The following USP25 variants were observed in gnomAD, a reference collection of about 807,000 sequenced individuals.
USP25 encodes the protein ubiquitin specific peptidase 25.
A neutral mutation model predicts 158.5 loss-of-function variants in USP25; 85 were observed. That is an observed-to-expected ratio of 0.54 (90% CI 0.45 to 0.64). The LOEUF (loss-of-function observed/expected upper bound fraction) is 0.64, where lower values mean the gene tolerates loss of function less well. Among genes scored for constraint, USP25 ranks in the 30% least tolerant of loss-of-function variants. The probability of loss-of-function intolerance (pLI) is 0.00; values close to 1 mark genes in which losing one functional copy is unlikely to be tolerated. For missense variants in USP25, 1,242 were observed against 1,327.3 expected (o/e 0.94, Z 1.00); for synonymous variants, 464 against 460.4 (o/e 1.01, Z -0.10).
intron 5 of USP25, among the ~76,000 whole-genome samples, chr21:15,799,244 C>T (rs922349959): frequency 6.0e-5 from 9 of 151,256 alleles, no homozygotes; most frequent in African/African-American, 2.2e-4. Context: ...ATTATCACTG[C>T]ATCTTGAAGT....
chr21:15,739,133 C>T (rs980027732), intron 1 of USP25, among the ~76,000 whole-genome samples: 4 of 152,126 alleles, frequency 2.6e-5, no homozygotes, highest in Admixed American at 6.5e-5. Flanking sequence ...CCTGCTACAT[C>T]ATGATTAAAA....
At chr21:15,792,292 C>T (rs1019345413) in intron 5 of USP25, among the ~76,000 whole-genome samples, 2 of 147,518 alleles carry the variant, frequency 1.4e-5, no homozygotes, top group Non-Finnish European at 3.0e-5. Context: ...CAATTTGGAA[C>T]AGTTTTCTTT....
chr21:15,830,454 A>G, intron 14 of USP25, 77 bp from the exon 15 acceptor site: 2 of 1,262,416 alleles, frequency 1.6e-6, no homozygotes, highest in Non-Finnish European at 2.2e-6. Context: ...ACATGTTTGT[A>G]GGAAAAACAT....
intron 24 of USP25, chr21:15,876,919 T>C (rs2040121285): frequency 6.6e-6 from 1 of 152,218 alleles, no homozygotes. Context: ...AGATTTTAAA[T>C]AAGAACCCTT....
At chr21:15,801,269 C>A (rs187861325) in intron 6 of USP25, among the ~76,000 whole-genome samples, 1 of 151,464 alleles carries the variant, frequency 6.6e-6, no homozygotes, top group Non-Finnish European at 1.5e-5. Context: ...AGTTTGTATT[C>A]TTATTTAAAA....
intron 20 of USP25, among the ~76,000 whole-genome samples, chr21:15,859,312 C>T (rs2039309738): frequency 6.6e-6 from 1 of 151,780 alleles, no homozygotes; most frequent in Admixed American, 6.6e-5. Context: ...CCTGCCTCAG[C>T]CTCCTGAGTA....
rs2034031013 is a variant in USP25, at chr21:15,766,206, T to G, written c.268+65T>G. On this transcript the variant is annotated intron_variant, in intron 3 of 25. Coordinates refer to ENST00000400183, the MANE Select transcript of USP25 (RefSeq NM_001283041.3). This position sits in a 1 kb window ranked among gnomAD's most constrained non-coding sequence, Gnocchi z 4.0. ...TACTGAAAAACTTTTCTTGGTGTAA[T>G]ATATTAATGTTGCTTAAGGAGAGGT... 1 of 1,462,042 alleles carries G rather than the reference T, an allele frequency of 6.8e-7. No individual in the cohort carries two copies. The highest frequency in any genetic ancestry group is 1.4e-5 in the African/African-American group (1 of 69,558). The allele number at this position is 1,462,042 out of a possible 1,614,324, so 90.6% of individuals were successfully genotyped here. A position where few individuals can be genotyped will look rare whatever the true frequency, so the allele number is the denominator to read the frequency against.
chr21:15,847,997 G>C (rs939732288), intron 19 of USP25, among the ~76,000 whole-genome samples: 1 of 152,256 alleles, frequency 6.6e-6, no homozygotes, highest in African/African-American at 2.4e-5. Context: ...AGAATTTTCT[G>C]TTTGTGGAGT....
rs1270847157 is a variant in USP25, at chr21:15,875,542, T to C, written c.3009+1016T>C. On this transcript the variant is annotated intron_variant, in intron 24 of 25. Transcript: ENST00000400183. The surrounding 1 kb of genome is among the most constrained non-coding windows in gnomAD (Gnocchi z 4.7). ...CAGTCTGGTAGGAGACATAATTGTT[T>C]GTTCTGGAATAAGTGCCATTATGAG... Among the ~76,000 whole-genome samples, 1 of 152,230 alleles carries C rather than the reference T, an allele frequency of 6.6e-6. No individual in the cohort carries two copies. The highest frequency in any genetic ancestry group is 1.5e-5 in the Non-Finnish European group (1 of 68,038).
chr21:15,749,637 G>A (rs949008402), intron 1 of USP25, among the ~76,000 whole-genome samples: 1 of 152,188 alleles, frequency 6.6e-6, no homozygotes, highest in Non-Finnish European at 1.5e-5. Context: ...TTTTAAATTG[G>A]TAGTGGCTAG....
intron 16 of USP25, among the ~76,000 whole-genome samples, chr21:15,831,955 T>C (rs575314640): frequency 1.2e-4 from 18 of 152,332 alleles, no homozygotes; most frequent in Middle Eastern, 3.4e-3. Context: ...GGCCTCTGAT[T>C]ATCTCCCCAC....
At chr21:15,874,173 C>A (rs2146604802) in intron 23 of USP25, among the ~76,000 whole-genome samples, 1 of 152,184 alleles carries the variant, frequency 6.6e-6, no homozygotes, top group Admixed American at 6.5e-5. Flanking sequence ...CAGATTTTTT[C>A]TTAATTTATA....
chr21:15,860,674 A>C (rs998387758), intron 20 of USP25, among the ~76,000 whole-genome samples: 5 of 152,064 alleles, frequency 3.3e-5, no homozygotes, highest in African/African-American at 1.2e-4. Context: ...ATTTGAAGTA[A>C]GTTTTCTTCA....
chr21:15,788,866 G>A (rs889307693), intron 4 of USP25, among the ~76,000 whole-genome samples: 6 of 152,000 alleles, frequency 3.9e-5, no homozygotes, highest in African/African-American at 1.2e-4. Context: ...TTAAATCTTA[G>A]GTGACTTTGA....
At chr21:15,780,450 A>G (rs1368778731) in intron 4 of USP25, among the ~76,000 whole-genome samples, 1 of 152,224 alleles carries the variant, frequency 6.6e-6, no homozygotes, top group Non-Finnish European at 1.5e-5. Flanking sequence ...TTAATAAACT[A>G]CATTGTGACT....
chr21:15,734,050 C>T (rs1339381091), intron 1 of USP25, among the ~76,000 whole-genome samples: 1 of 152,134 alleles, frequency 6.6e-6, no homozygotes, highest in African/African-American at 2.4e-5. Flanking sequence ...AGGCTTTAAA[C>T]TTTAGCAACT....
intron 4 of USP25, among the ~76,000 whole-genome samples, chr21:15,789,415 G>C (rs1030241110): frequency 1.3e-5 from 2 of 152,006 alleles, no homozygotes; most frequent in Middle Eastern, 3.2e-3. Context: ...CCTGCTTATT[G>C]TGATATGTGT....
intron 20 of USP25, among the ~76,000 whole-genome samples, chr21:15,862,059 G>C (rs2039450918): frequency 1.3e-5 from 2 of 152,066 alleles, no homozygotes; most frequent in African/African-American, 4.8e-5. Flanking sequence ...TTTGAAAGTA[G>C]GTAGGGGAAT....
chr21:15,771,116 T>G (rs1398279297), intron 3 of USP25, among the ~76,000 whole-genome samples: 2 of 152,206 alleles, frequency 1.3e-5, no homozygotes, highest in Non-Finnish European at 2.9e-5. Context: ...GCAAGTACTT[T>G]TATAGACCAT....
Sources: gnomAD v4.1 joint callset for allele counts (sites outside exome capture counted in the v4.1 genomes callset) on GRCh38, gnomAD v4.1.1 for gene constraint, Gnocchi (gnomAD v3.1) non-coding constraint, MANE v1.5 for transcripts, NCBI Gene and HGNC (gene_info 2026-07-23, HGNC 2026-07-21) for gene names.